Variants in PSKH1 observed in about 807,000 individuals in gnomAD.
PSKH1 encodes protein serine kinase H1, also known as serine/threonine-protein kinase H1.
PSKH1 carries 12 observed loss-of-function variants against 26.7 expected under a neutral mutation model. The ratio of observed to expected loss-of-function variants is 0.45; its 90% CI spans 0.29 to 0.73. PSKH1 has a LOEUF of 0.73. Among genes scored for constraint, PSKH1 ranks in the 30% least tolerant of loss-of-function variants. The probability of loss-of-function intolerance (pLI) is 0.11; values close to 1 mark genes in which losing one functional copy is unlikely to be tolerated. For missense variants in PSKH1, 431 were observed against 595.2 expected (o/e 0.72, Z 2.87); for synonymous variants, 213 against 234.3 (o/e 0.91, Z 0.83).
At chr16:67,920,641 A>G (rs114970026) in intron 2 of PSKH1, among the ~76,000 whole-genome samples, 1,656 of 152,260 alleles carry the variant, frequency 0.011, 35 homozygotes, top group African/African-American at 0.038. Context: ...TCTCAATTGC[A>G]TGGCATAGCT....
In PSKH1 at chr16:67,928,039, CA is replaced by C. The variant is rs2058223403; in HGVS notation, c.*398del. 5.2e-6 allele frequency: 1 copy of C among 191,168 alleles called. No individual in the cohort carries two copies. The highest frequency in any genetic ancestry group is 1.4e-4 in the South Asian group (1 of 7,164). The allele number at this position is 191,168 out of a possible 1,614,324, so 11.8% of individuals were successfully genotyped here. ...CCTGTGGCCTCAGGACCCTTTGGGACAGTTACTTCTGGGACCCCCTTTCCTC... is the reference window on the plus strand; with the variant it reads ...CCTGTGGCCTCAGGACCCTTTGGGACGTTACTTCTGGGACCCCCTTTCCTC... On this transcript the variant is annotated 3_prime_UTR_variant, in exon 3 of 3. Transcript: ENST00000291041. The surrounding 1 kb of genome is among the most constrained non-coding windows in gnomAD (Gnocchi z 4.8).
chr16:67,916,034 G>A (rs2058187031), intron 2 of PSKH1, among the ~76,000 whole-genome samples: 1 of 152,240 alleles, frequency 6.6e-6, no homozygotes, highest in South Asian at 2.1e-4. Flanking sequence ...TGGGCAGTCT[G>A]GAACATGGAC....
intron 1 of PSKH1, among the ~76,000 whole-genome samples, chr16:67,907,665 C>T (rs1249713324): frequency 1.3e-5 from 2 of 152,176 alleles, no homozygotes; most frequent in Non-Finnish European, 2.9e-5. Context: ...TCCAGCAGCT[C>T]TGGGCCTTGT....
chr16:67,893,963 A>G (rs1229532716), intron 1 of PSKH1, among the ~76,000 whole-genome samples: 1 of 152,184 alleles, frequency 6.6e-6, no homozygotes, highest in East Asian at 1.9e-4. Context: ...TAAGTCCTTC[A>G]CTGCCTGAAA....
Position 67,927,864 on chromosome 16 carries a change from C to T in PSKH1, c.*222C>T, listed in dbSNP as rs2151315940. 2 of 593,672 alleles carry T rather than the reference C, an allele frequency of 3.4e-6. No individual in the cohort carries two copies. The highest frequency in any genetic ancestry group is 2.9e-6 in the Non-Finnish European group (1 of 343,426). The allele number at this position is 593,672 out of a possible 1,614,324, so 36.8% of individuals were successfully genotyped here. A position where few individuals can be genotyped will look rare whatever the true frequency, so the allele number is the denominator to read the frequency against. ...GTAGCACAGGGGGCTGTGACTCCCC[C>T]TGAACTGGGAGCCTGGCCTGGCACT... is the stretch of plus-strand genomic sequence containing the variant. On this transcript the variant is annotated 3_prime_UTR_variant, in exon 3 of 3. Coordinates refer to ENST00000291041, the MANE Select transcript of PSKH1 (RefSeq NM_006742.3). The surrounding 1 kb of genome is among the most constrained non-coding windows in gnomAD (Gnocchi z 5.5).
intron 1 of PSKH1, among the ~76,000 whole-genome samples, chr16:67,894,542 A>G (rs188073246): frequency 2.0e-5 from 3 of 152,292 alleles, no homozygotes; most frequent in African/African-American, 7.2e-5. Flanking sequence ...CATCTGTCCT[A>G]TAAAATCCAC....
chr16:67,906,150 C>A (rs1306936147), intron 1 of PSKH1, among the ~76,000 whole-genome samples: 1 of 150,780 alleles, frequency 6.6e-6, no homozygotes, highest in Non-Finnish European at 1.5e-5. Context: ...CTCGGCTACT[C>A]TAACCTCCGC....
intron 1 of PSKH1, among the ~76,000 whole-genome samples, chr16:67,898,139 C>G (rs955967889): frequency 1.3e-5 from 2 of 152,122 alleles, no homozygotes; most frequent in Non-Finnish European, 2.9e-5. Context: ...CGTAAGCCAC[C>G]GCGCCCAGCC....
At chr16:67,897,061 G>A (rs1367592788) in intron 1 of PSKH1, among the ~76,000 whole-genome samples, 1 of 152,188 alleles carries the variant, frequency 6.6e-6, no homozygotes, top group African/African-American at 2.4e-5. Context: ...CAGCTTCTCA[G>A]CTGTATGATG....
chr16:67,900,918 CAA>C (rs1378597049), intron 1 of PSKH1, among the ~76,000 whole-genome samples: 1 of 152,146 alleles, frequency 6.6e-6, no homozygotes, highest in East Asian at 1.9e-4. Context: ...GGGGCACACA[CAA>C]GAGATGCTGG....
At chr16:67,918,937 A>G (rs1054624611) in intron 2 of PSKH1, among the ~76,000 whole-genome samples, 1 of 152,160 alleles carries the variant, frequency 6.6e-6, no homozygotes, top group African/African-American at 2.4e-5. Flanking sequence ...GATGTAGAAG[A>G]TAAAATGAGA....
At chr16:67,910,790 A>G (rs547619240) in intron 2 of PSKH1, among the ~76,000 whole-genome samples, 1 of 152,384 alleles carries the variant, frequency 6.6e-6, no homozygotes, top group South Asian at 2.1e-4. Context: ...GGCGTGAGCC[A>G]CTGCACCTGG....
chr16:67,907,983 A>C (rs1363132984), intron 1 of PSKH1, among the ~76,000 whole-genome samples: 1 of 152,196 alleles, frequency 6.6e-6, no homozygotes, highest in African/African-American at 2.4e-5. Context: ...AAGATGAGTC[A>C]AGAGTAATAA....
chr16:67,898,018 T>C (rs2151309912), intron 1 of PSKH1, among the ~76,000 whole-genome samples: 1 of 152,234 alleles, frequency 6.6e-6, no homozygotes, highest in East Asian at 1.9e-4. Flanking sequence ...CGGCTAATTT[T>C]TTTTGTATTT....
chr16:67,920,274 A>T (rs1445488860), intron 2 of PSKH1, among the ~76,000 whole-genome samples: 1 of 152,088 alleles, frequency 6.6e-6, no homozygotes, highest in Non-Finnish European at 1.5e-5. Context: ...TTATTTTTTA[A>T]TAGAGACAAG....
chr16:67,925,616 G>C (rs1485788962), intron 2 of PSKH1, among the ~76,000 whole-genome samples: 1 of 152,132 alleles, frequency 6.6e-6, no homozygotes, highest in Admixed American at 6.5e-5. Flanking sequence ...TTCGTTGGCT[G>C]CATGCTCCTG....
At chr16:67,920,177 G>T (rs2058198289) in intron 2 of PSKH1, among the ~76,000 whole-genome samples, 1 of 152,166 alleles carries the variant, frequency 6.6e-6, no homozygotes, top group African/African-American at 2.4e-5. Context: ...GCCTTTCACA[G>T]GCTCTGTCGC....
chr16:67,914,415 A>G (rs1049432883), intron 2 of PSKH1, among the ~76,000 whole-genome samples: 2 of 150,518 alleles, frequency 1.3e-5, no homozygotes, highest in Non-Finnish European at 2.9e-5. Flanking sequence ...AGCCTCCCAA[A>G]GTGGTGGGAT....
chr16:67,923,923 C>A (rs1234253049), intron 2 of PSKH1, among the ~76,000 whole-genome samples: 4 of 152,156 alleles, frequency 2.6e-5, no homozygotes, highest in Admixed American at 6.6e-5. Flanking sequence ...GCGTTGAGTG[C>A]TTTCTTAGGA....
Sources: allele counts gnomAD v4.1 joint callset (sites outside exome capture counted in the v4.1 genomes callset), GRCh38; gene constraint gnomAD v4.1.1; non-coding constraint Gnocchi (gnomAD v3.1); transcripts MANE v1.5; gene names NCBI Gene and HGNC (gene_info 2026-07-23, HGNC 2026-07-21).